Variants in COL25A1 observed in about 807,000 individuals in gnomAD.
COL25A1 encodes the protein collagen type XXV alpha 1 chain.
In COL25A1, 103 loss-of-function variants were observed where a neutral mutation model predicts 128.4. The ratio of observed to expected loss-of-function variants is 0.80; its 90% CI spans 0.68 to 0.94. The LOEUF is 0.94. Ranked by LOEUF, COL25A1 falls within the 40% of genes least tolerant of loss-of-function variation. COL25A1 has a pLI of 0.00. For missense variants in COL25A1, 745 were observed against 840.0 expected (o/e 0.89, Z 1.40); for synonymous variants, 279 against 277.2 (o/e 1.01, Z -0.06).
intron 3 of COL25A1, among the ~76,000 whole-genome samples, chr4:109,112,085 T>C (rs1300894803): frequency 1.3e-5 from 2 of 152,142 alleles, no homozygotes; most frequent in African/African-American, 4.8e-5. Flanking sequence ...ATTAAGTAAA[T>C]GTTTATTGAG....
At chr4:109,089,877 TTA>T (rs1466992002) in intron 3 of COL25A1, among the ~76,000 whole-genome samples, 2 of 152,094 alleles carry the variant, frequency 1.3e-5, no homozygotes, top group African/African-American at 2.4e-5. Context: ...AGTGCTGGGA[TTA>T]CAGGTGTGAG....
intron 3 of COL25A1, among the ~76,000 whole-genome samples, chr4:109,067,775 G>A (rs1003989460): frequency 6.6e-6 from 1 of 152,166 alleles, no homozygotes; most frequent in Non-Finnish European, 1.5e-5. Flanking sequence ...ATTTAAGGAG[G>A]AAAAGAAGCA....
At chr4:108,817,178 A>AT (rs1160401339) in intron 37 of COL25A1, among the ~76,000 whole-genome samples, 1 of 152,198 alleles carries the variant, frequency 6.6e-6, no homozygotes, top group Non-Finnish European at 1.5e-5. Context: ...CAAAGAAAAG[A>AT]TTAGATAGGG....
At chr4:109,294,901 T>G (rs984589401) in intron 3 of COL25A1, among the ~76,000 whole-genome samples, 8 of 152,056 alleles carry the variant, frequency 5.3e-5, no homozygotes, top group African/African-American at 1.9e-4. Flanking sequence ...TCCATTCACC[T>G]AATCCTGTTA....
At chr4:108,986,179 C>T (rs1036476881) in intron 6 of COL25A1, among the ~76,000 whole-genome samples, 4 of 152,154 alleles carry the variant, frequency 2.6e-5, no homozygotes, top group African/African-American at 9.7e-5. Flanking sequence ...TTGGCCTTAC[C>T]TCTTCTACTC....
intron 3 of COL25A1, among the ~76,000 whole-genome samples, chr4:109,288,925 A>T (rs1407229773): frequency 6.6e-6 from 1 of 151,734 alleles, no homozygotes; most frequent in Non-Finnish European, 1.5e-5. Flanking sequence ...AGAATAATAA[A>T]CAATCATCAT....
intron 5 of COL25A1, among the ~76,000 whole-genome samples, chr4:109,042,297 T>G (rs1759981875): frequency 6.6e-6 from 1 of 152,128 alleles, no homozygotes; most frequent in African/African-American, 2.4e-5. Flanking sequence ...GAGAATCTAT[T>G]CTATGTACAC....
At chr4:108,942,177 T>C (rs1748191366) in intron 8 of COL25A1, 1 of 1,547,198 alleles carries the variant, frequency 6.5e-7, no homozygotes, top group Non-Finnish European at 8.7e-7. Context: ...ATTGCATTTC[T>C]GACTGTGCAG....
At chr4:109,171,270 A>C (rs1298364567) in intron 3 of COL25A1, among the ~76,000 whole-genome samples, 1 of 152,192 alleles carries the variant, frequency 6.6e-6, no homozygotes, top group Non-Finnish European at 1.5e-5. Context: ...ATAAAGATTG[A>C]GTAAAAGAGA....
intron 3 of COL25A1, among the ~76,000 whole-genome samples, chr4:109,071,050 C>T (rs1250722556): frequency 6.6e-6 from 1 of 151,968 alleles, no homozygotes; most frequent in African/African-American, 2.4e-5. Context: ...CAAACTATAC[C>T]ACAAGGCTAC....
At chr4:108,990,717 C>T (rs1754152321) in intron 6 of COL25A1, among the ~76,000 whole-genome samples, 1 of 151,982 alleles carries the variant, frequency 6.6e-6, no homozygotes, top group Non-Finnish European at 1.5e-5. Flanking sequence ...CATAAATATG[C>T]CTTTACTAAT....
chr4:109,071,300 G>C (rs1038948936), intron 3 of COL25A1, among the ~76,000 whole-genome samples: 15 of 152,130 alleles, frequency 9.9e-5, no homozygotes, highest in African/African-American at 2.2e-4. Context: ...ATTAATTCAA[G>C]ATGGATTAAA....
chr4:108,902,521 T>C (rs1276071726), intron 13 of COL25A1, among the ~76,000 whole-genome samples: 1 of 152,036 alleles, frequency 6.6e-6, no homozygotes, highest in Non-Finnish European at 1.5e-5. Flanking sequence ...ATTTGGTTTA[T>C]AGTCCCACTT....
At chr4:108,832,994 A>AATACATAAATAAATAAATAAATAC (rs1733347849) in intron 31 of COL25A1, among the ~76,000 whole-genome samples, 1 of 146,332 alleles carries the variant, frequency 6.8e-6, no homozygotes, top group Admixed American at 6.7e-5. Flanking sequence ...TAAATAAATA[A>AATACATAAATAAATAAATAAATAC]ATAAATAAAG....
At chr4:109,113,221 C>CT (rs773240847) in intron 3 of COL25A1, among the ~76,000 whole-genome samples, 1 of 152,132 alleles carries the variant, frequency 6.6e-6, no homozygotes, top group Non-Finnish European at 1.5e-5. Flanking sequence ...AAAACTGGTT[C>CT]TTTAACCCCC....
In COL25A1 at chr4:109,155,468, A is replaced by G. The variant is rs191187967; in HGVS notation, c.368-105289T>C. On this transcript the variant is annotated intron_variant, in intron 3 of 37. Coordinates refer to ENST00000399132, the MANE Select transcript of COL25A1 (RefSeq NM_198721.4). ...ATGTATGAGGCAATTTAAAATCTTT[A>G]TAAAAGCTCCCTGTTTCAAAGCTAC... Among the ~76,000 whole-genome samples, 376 of 152,336 alleles carry G rather than the reference A, an allele frequency of 2.5e-3. 2 individuals are homozygous for G. The Middle Eastern group carries it at 0.034, about 14-fold the overall frequency.
At chr4:109,178,013 C>T (rs1460403791) in intron 3 of COL25A1, among the ~76,000 whole-genome samples, 2 of 152,164 alleles carry the variant, frequency 1.3e-5, no homozygotes, top group African/African-American at 4.8e-5. Flanking sequence ...TATCTATTTT[C>T]GTCCATTATA....
intron 18 of COL25A1, among the ~76,000 whole-genome samples, chr4:108,889,015 T>A (rs1016585254): frequency 6.6e-6 from 1 of 152,232 alleles, no homozygotes; most frequent in African/African-American, 2.4e-5. Context: ...TCACAAAGCA[T>A]CTTTTACATA....
intron 3 of COL25A1, among the ~76,000 whole-genome samples, chr4:109,243,789 T>C (rs142021965): frequency 9.4e-4 from 143 of 152,194 alleles, no homozygotes; most frequent in African/African-American, 3.2e-3. Flanking sequence ...AAATCTGACA[T>C]AGATTACCAT....
Sources: allele counts gnomAD v4.1 joint callset (sites outside exome capture counted in the v4.1 genomes callset), GRCh38; gene constraint gnomAD v4.1.1; transcripts MANE v1.5; gene names NCBI Gene and HGNC (gene_info 2026-07-23, HGNC 2026-07-21).